The following SLC12A3 variants were observed in gnomAD, a reference collection of about 807,000 sequenced individuals.
SLC12A3 encodes the protein Na-Cl cotransporter.
A neutral mutation model predicts 121.0 loss-of-function variants in SLC12A3; 104 were observed. That is an observed-to-expected ratio of 0.86 (90% CI 0.73 to 1.01). SLC12A3 has a LOEUF of 1.01. Ranked by LOEUF, SLC12A3 falls within the 50% of genes least tolerant of loss-of-function variation. The probability of loss-of-function intolerance (pLI) is 0.00; values close to 1 mark genes in which losing one functional copy is unlikely to be tolerated. For missense variants in SLC12A3, 1,328 were observed against 1,356.3 expected, an observed-to-expected ratio of 0.98 and a Z score of 0.33; for synonymous variants, 536 against 533.4, an observed-to-expected ratio of 1.00 and a Z score of -0.07.
chr16:56,912,027 C>T (rs929053227), intron 25 of SLC12A3, among the ~76,000 whole-genome samples: 3 of 152,266 alleles, frequency 2.0e-5, no homozygotes, highest in African/African-American at 4.8e-5. Flanking sequence ...AGCCACGACT[C>T]GGACGCCAGA....
chr16:56,877,779 G>A (rs1412878295), intron 8 of SLC12A3, among the ~76,000 whole-genome samples: 2 of 152,226 alleles, frequency 1.3e-5, no homozygotes, highest in Non-Finnish European at 2.9e-5. Flanking sequence ...TGTGGCGCAG[G>A]CGTGGAGCTG....
chr16:56,865,895 C>T (rs1172833200), intron 1 of SLC12A3, among the ~76,000 whole-genome samples: 1 of 152,164 alleles, frequency 6.6e-6, no homozygotes, highest in Non-Finnish European at 1.5e-5. Flanking sequence ...GAGTGGAGGG[C>T]TGGAAGGTGG....
chr16:56,871,592 G>A (rs1013076129), intron 6 of SLC12A3, among the ~76,000 whole-genome samples: 1 of 152,194 alleles, frequency 6.6e-6, no homozygotes, highest in Non-Finnish European at 1.5e-5. Flanking sequence ...TCCCTGGACA[G>A]TTCTCTGGCT....
chr16:56,907,700 G>T lies in SLC12A3; in HGVS notation c.2924+3238G>T, dbSNP rs1297426442. ...TCTGTGTCCTCACTTGGCGGAGGGA[G>T]CCAGGGAGCTCTCTGGGGCCTCTTT... On this transcript the variant is annotated intron_variant, in intron 25 of 25. Transcript: ENST00000563236. 2.8e-4 allele frequency among the ~76,000 whole-genome samples: 43 copies of T among 152,118 alleles called. 1 individual carries two copies.
chr16:56,886,853 T>A (rs2055319431), intron 16 of SLC12A3, 100 bp from the exon 17 acceptor site: 1 of 1,543,652 alleles, frequency 6.5e-7, no homozygotes, highest in Admixed American at 1.8e-5. Flanking sequence ...CCGTGGGTGC[T>A]GCCAAGCCCC....
At chr16:56,892,200 G>T in intron 20 of SLC12A3, 67 bp downstream of exon 20, 1 of 1,513,304 alleles carries the variant, frequency 6.6e-7, no homozygotes, top group Non-Finnish European at 9.2e-7. Flanking sequence ...CTCTAGCCCT[G>T]TGGGGTGGCT....
chr16:56,867,360 A>G (rs1049241140), intron 2 of SLC12A3, 144 bp downstream of exon 2: 2 of 856,566 alleles, frequency 2.3e-6, no homozygotes, highest in Non-Finnish European at 3.5e-6. Context: ...TAATAGATCA[A>G]TAGACAATAG....
At position 56,899,533 on chromosome 16, in the gene SLC12A3, C is replaced by G. The variant is rs750857570; in HGVS notation, c.2637C>G (p.Ile879Met). ...AAACCCTCCATGTGTCCTCCAGGAT[C>G]ATTTCTCTGCTGAGCAAGTTCCGAC... ...INRMDQERKA[I>M]ISLLSKFRLG... Residue 879 changes from isoleucine to methionine, a missense_variant, in exon 23 of 26, where the codon ATC becomes ATG. Physicochemically the swap from Ile to Met is conservative, Grantham distance 10 (BLOSUM62 1). Transcript: ENST00000563236. 4 of 1,612,546 alleles carry G rather than the reference C, an allele frequency of 2.5e-6. No individual in the cohort carries two copies. Among genetic ancestry groups the G allele is most frequent in the Non-Finnish European group, 3.4e-6 (4 of 1,178,492 alleles).
chr16:56,901,345 C>CGCTTTTTTTT, intron 23 of SLC12A3, among the ~76,000 whole-genome samples: 1 of 84,148 alleles, frequency 1.2e-5, no homozygotes, highest in South Asian at 3.7e-4. Flanking sequence ...ATCTCTCTCT[C>CGCTTTTTTTT]TCTTTTTTTT....
At position 56,869,753 on chromosome 16, in the gene SLC12A3, T is replaced by C; in HGVS notation, c.530T>C (p.Leu177Pro). ...GTCCTGACCTGGATCATCATCCTGC[T>C]GTCGGTCACGGTGACCTCCATCACA... ...GIVLTWIIIL[L>P]SVTVTSITGL... The change falls in exon 4 of 26, where the codon CTG becomes CCG. Residue 177 changes from leucine (L) to proline (P), a missense_variant. Physicochemically the swap from Leu to Pro is moderately conservative, Grantham distance 98. Transcript: ENST00000563236. 4.3e-6 allele frequency: 7 copies of C among 1,614,206 alleles called. No homozygotes were observed. Among genetic ancestry groups the C allele is most frequent in the Non-Finnish European group, 5.9e-6 (7 of 1,180,028 alleles).
chr16:56,871,024 G>A (rs1037590778), intron 6 of SLC12A3, among the ~76,000 whole-genome samples: 2 of 151,998 alleles, frequency 1.3e-5, no homozygotes, highest in African/African-American at 2.4e-5. Flanking sequence ...TTGTAGAGAC[G>A]GGGTTTCACC....
In SLC12A3 at chr16:56,886,401, C is replaced by T. The variant is rs747249619; in HGVS notation, c.1963C>T (p.Arg655Cys). The change falls in exon 16 of 26, where the codon CGC becomes TGC. Residue 655 changes from arginine (R) to cysteine (C), a missense_variant. Physicochemically the swap from Arg to Cys is radical, Grantham distance 180. Coordinates refer to ENST00000563236, the MANE Select transcript of SLC12A3 (RefSeq NM_001126108.2). ...GGTGCTCACGGGGCCCCCCAACTTC[C>T]GCCCGGCCCTGGTGGACTTTGTGGG... is the stretch of plus-strand genomic sequence containing the variant. ...CLVLTGPPNF[R>C]PALVDFVGTF... 2.3e-5 allele frequency: 37 copies of T among 1,613,996 alleles called. No individual in the cohort carries two copies. Among genetic ancestry groups the T allele is most frequent in the Non-Finnish European group, 2.7e-5 (32 of 1,180,042 alleles).
chr16:56,908,305 G>A (rs576925429), intron 25 of SLC12A3, among the ~76,000 whole-genome samples: 49 of 151,448 alleles, frequency 3.2e-4, no homozygotes, highest in African/African-American at 1.1e-3. Flanking sequence ...CACCTCGCCC[G>A]GCTAATTTTT....
At chr16:56,889,979 G>A (rs191986909) in intron 18 of SLC12A3, among the ~76,000 whole-genome samples, 35 of 152,308 alleles carry the variant, frequency 2.3e-4, no homozygotes, top group Non-Finnish European at 1.2e-4. Context: ...ACCTCCATGG[G>A]CAGAGTTGAG....
chr16:56,894,517 A>T lies in SLC12A3; in HGVS notation c.2522-14A>T. 1.9e-6 allele frequency: 3 copies of T among 1,589,058 alleles called. No individual in the cohort carries two copies. The highest frequency in any genetic ancestry group is 2.6e-6 in the Non-Finnish European group (3 of 1,159,426). On this transcript the variant is annotated splice_polypyrimidine_tract_variant and intron_variant, in intron 21 of 25. Coordinates refer to ENST00000563236, the MANE Select transcript of SLC12A3 (RefSeq NM_001126108.2). ...TGTATTCTTGTCATGACTCACGGGG[A>T]CTCTCCTTGCCAGGCCTCACCCTCC...
chr16:56,889,428 G>C (rs141910083), intron 18 of SLC12A3, among the ~76,000 whole-genome samples: 1 of 152,190 alleles, frequency 6.6e-6, no homozygotes, highest in Admixed American at 6.5e-5. Context: ...TGTCAATCAG[G>C]CAGTACATAC....
intron 8 of SLC12A3, 71 bp downstream of exon 8, chr16:56,872,857 C>A (rs376462649): frequency 1.5e-5 from 24 of 1,594,428 alleles, no homozygotes; most frequent in Admixed American, 5.0e-5. Context: ...CTGCCCCCTG[C>A]TCTAGTGGCA....
intron 23 of SLC12A3, among the ~76,000 whole-genome samples, chr16:56,901,591 C>T (rs112445308): frequency 3.3e-5 from 5 of 152,118 alleles, no homozygotes; most frequent in Middle Eastern, 3.2e-3. Flanking sequence ...CCGCCCGCCT[C>T]GGCCTCCCAA....
At chr16:56,911,900 G>A (rs1475252185) in intron 25 of SLC12A3, among the ~76,000 whole-genome samples, 1 of 152,262 alleles carries the variant, frequency 6.6e-6, no homozygotes, top group Non-Finnish European at 1.5e-5. Context: ...GCATTGTGCT[G>A]TGCCTGCGTG....
Sources: gnomAD v4.1 joint callset for allele counts (sites outside exome capture counted in the v4.1 genomes callset) on GRCh38, gnomAD v4.1.1 for gene constraint, MANE v1.5 for transcripts, NCBI Gene and HGNC (gene_info 2026-07-23, HGNC 2026-07-21) for gene names.